C4orf46: variants seen among roughly 807,000 people sequenced by gnomAD.
The protein encoded by C4orf46 is renal cancer differentiation gene 1 protein.
In C4orf46, 8 loss-of-function variants were observed where a neutral mutation model predicts 9.1. The observed-to-expected ratio is 0.88, with a 90% confidence interval of 0.52 to 1.59. The LOEUF (loss-of-function observed/expected upper bound fraction) is 1.59, where lower values mean the gene tolerates loss of function less well. Ranked by LOEUF, C4orf46 falls within the 40% of genes most tolerant of loss-of-function variation. The pLI, the probability that C4orf46 is intolerant of heterozygous loss-of-function variation, is 0.00. For missense variants in C4orf46, 151 were observed against 139.1 expected, an observed-to-expected ratio of 1.09 and a Z score of -0.43; for synonymous variants, 51 against 58.8, an observed-to-expected ratio of 0.87 and a Z score of 0.61.
rs1195940187 is a variant in C4orf46 at position 158,671,739 on chromosome 4, G to A, written c.63C>T (p.Ser21=). Residue 21 remains serine (S), a synonymous_variant, in exon 1 of 2, where the codon TCC becomes TCT. Transcript: ENST00000379205. ...AAGATGCTGCAGAGGCGTCTGAAGA[G>A]GAGGGAGAAGAGGGAGGCGGCGGGG... ...SPPPPPPSSP[S]SSDASAASSP... is the part of the protein sequence containing the mutation. The A allele has an allele frequency of 3.1e-6, 5 of 1,588,664 alleles. No homozygotes were observed. Among genetic ancestry groups the A allele is most frequent in the South Asian group, 2.3e-5 (2 of 87,872 alleles).
At position 158,669,663 on chromosome 4, in the gene C4orf46, A is replaced by T. The variant is rs765140061; in HGVS notation, c.292T>A (p.Trp98Arg). The change falls in exon 2 of 2, where the codon TGG becomes AGG. Residue 98 changes from tryptophan to arginine, a missense_variant. Transcript: ENST00000379205. Reference protein sequence around the residue: ...CTENARFLKTWRDLLKEGYDS... With the variant: ...CTENARFLKTRRDLLKEGYDS... ...TAGCCTTCTTTCAAGAGGTCCCGCC[A>T]CGTTTTAAGGAAACGTGCATTTTCT... The T allele has an allele frequency of 4.3e-6, 7 of 1,614,032 alleles. No homozygotes were observed. Among genetic ancestry groups the T allele is most frequent in the Non-Finnish European group, 5.9e-6 (7 of 1,179,974 alleles).
At chr4:158,671,509 C>T (rs1773544886) in intron 1 of C4orf46, 107 bp downstream of exon 1, 1 of 1,211,388 alleles carries the variant, frequency 8.3e-7, no homozygotes, top group East Asian at 2.9e-5. Flanking sequence ...GGCCGGTCGT[C>T]CCGGGTCATG....
At chr4:158,669,830 G>T (rs2150298434) in intron 1 of C4orf46, 62 bp from the exon 2 acceptor site, 1 of 1,356,514 alleles carries the variant, frequency 7.4e-7, no homozygotes, top group Non-Finnish European at 1.0e-6. Context: ...TTATAAGCAG[G>T]CTGAAAATAG....
Position 158,669,774 on chromosome 4 carries a change from A to C in C4orf46, c.187-6T>G. On this transcript the variant is annotated splice_polypyrimidine_tract_variant and splice_region_variant and intron_variant, in intron 1 of 1. Transcript: ENST00000379205. The stretch of plus-strand genomic sequence containing the variant: ...TTGGTTAATGAAAAGGCTGCCTAAA[A>C]AAAAAAAGTCAAACATAATTTTATT... The C allele has an allele frequency of 6.3e-7, 1 of 1,582,834 alleles. No homozygotes were observed.
At chr4:158,671,340 G>A (rs528486199) in intron 1 of C4orf46, among the ~76,000 whole-genome samples, 1 of 152,326 alleles carries the variant, frequency 6.6e-6, no homozygotes, top group East Asian at 1.9e-4. Flanking sequence ...AAACCAGAAG[G>A]CGAGACAAAA....
At chr4:158,670,316 C>A (rs754144460) in intron 1 of C4orf46, among the ~76,000 whole-genome samples, 2 of 152,174 alleles carry the variant, frequency 1.3e-5, no homozygotes, top group Non-Finnish European at 2.9e-5. Flanking sequence ...AGCCACCGTG[C>A]TTGGCCCAGG....
At chr4:158,671,591 G>A (rs373552594) in intron 1 of C4orf46, 25 bp downstream of exon 1, 10 of 1,460,294 alleles carry the variant, frequency 6.8e-6, no homozygotes, top group Non-Finnish European at 9.1e-6. Flanking sequence ...GCCGAGGGGG[G>A]ACGCGGTCCC....
Position 158,671,811 on chromosome 4 carries a change from T to C in C4orf46, c.-10A>G, listed in dbSNP as rs373903406. The C allele has an allele frequency of 2.9e-5, 43 of 1,499,284 alleles. No individual in the cohort carries two copies. In the African/African-American group the frequency reaches 5.5e-4, roughly 19 times the overall value. 92.9% of individuals were successfully genotyped at this position (1,499,284 alleles called of 1,614,324 possible). The stretch of plus-strand genomic sequence containing the variant: ...CCTCAGGGTCGGCCATGGGGAAGGG[T>C]TGGGACCGCGGAATCCGACCCGAGA... On this transcript the variant is annotated 5_prime_UTR_variant, in exon 1 of 2. Coordinates refer to ENST00000379205, the MANE Select transcript of C4orf46 (RefSeq NM_001008393.4).
In C4orf46 at chr4:158,671,604, C is replaced by T. The variant is rs1773551111; in HGVS notation, c.186+12G>A. The T allele has an allele frequency of 6.6e-7, 1 of 1,518,216 alleles. No homozygotes were observed. The highest frequency in any genetic ancestry group is 8.9e-7 in the Non-Finnish European group (1 of 1,127,432). The allele number at this position is 1,518,216 out of a possible 1,614,324, so 94.0% of individuals were successfully genotyped here. On this transcript the variant is annotated intron_variant, in intron 1 of 1. Transcript: ENST00000379205. The stretch of plus-strand genomic sequence containing the variant: ...GCGCCGAGGGGGGACGCGGTCCCGA[C>T]ACCACACTCACGTCTCCGATCTGCA...
intron 1 of C4orf46, 30 bp downstream of exon 1, chr4:158,671,586 G>A (rs1773549522): frequency 2.1e-6 from 3 of 1,453,494 alleles, no homozygotes; most frequent in Non-Finnish European, 2.7e-6. Flanking sequence ...GAGGCGCCGA[G>A]GGGGGACGCG....
chr4:158,669,792 A>G (rs1773475169), intron 1 of C4orf46, 24 bp from the exon 2 acceptor site: 1 of 1,566,934 alleles, frequency 6.4e-7, no homozygotes, highest in Non-Finnish European at 8.6e-7. Context: ...GTCAAACATA[A>G]TTTTATTTTT....
In C4orf46 at chr4:158,669,523, A is replaced by T; in HGVS notation, c.*90T>A. 7.6e-7 allele frequency: 1 copy of T among 1,311,536 alleles called. No homozygotes were observed. The highest frequency in any genetic ancestry group is 1.1e-6 in the Non-Finnish European group (1 of 938,108). The allele number at this position is 1,311,536 out of a possible 1,614,324, so 81.2% of individuals were successfully genotyped here. Reference sequence around the variant, plus strand: ...GAGTATATACAGAACTGCTGGACAGAGGTCATCCTATATGTGTGGTACATG... The same window carrying T: ...GAGTATATACAGAACTGCTGGACAGTGGTCATCCTATATGTGTGGTACATG... On this transcript the variant is annotated 3_prime_UTR_variant, in exon 2 of 2. Coordinates refer to ENST00000379205, the MANE Select transcript of C4orf46 (RefSeq NM_001008393.4).
chr4:158,672,006 C>G (rs2150300134), upstream of C4orf46: 2 of 560,578 alleles, frequency 3.6e-6, no homozygotes, highest in Middle Eastern at 4.7e-4. Flanking sequence ...CCTTAGGCAA[C>G]TCACGGCTCC....
chr4:158,669,426 T>C lies in C4orf46; in HGVS notation c.*187A>G, dbSNP rs1773458991. 1.9e-6 allele frequency: 1 copy of C among 537,848 alleles called. No homozygotes were observed. Among genetic ancestry groups the C allele is most frequent in the African/African-American group, 1.9e-5 (1 of 52,052 alleles). The allele number at this position is 537,848 out of a possible 1,614,324, so 33.3% of individuals were successfully genotyped here. A position where few individuals can be genotyped will look rare whatever the true frequency, so the allele number is the denominator to read the frequency against. On this transcript the variant is annotated 3_prime_UTR_variant, in exon 2 of 2. Transcript: ENST00000379205. ...AAAGTATTTAAGGACAAACAAGTAC[T>C]GGTCCGCAACAAAAATAGCATCGGT...
intron 1 of C4orf46, among the ~76,000 whole-genome samples, chr4:158,671,372 C>A (rs1773537865): frequency 6.6e-6 from 1 of 152,132 alleles, no homozygotes; most frequent in Non-Finnish European, 1.5e-5. Flanking sequence ...AGGGGTGGGG[C>A]GGGTGGAAGG....
chr4:158,671,300 TG>T (rs1245214612), intron 1 of C4orf46, among the ~76,000 whole-genome samples: 3 of 152,090 alleles, frequency 2.0e-5, no homozygotes, highest in Non-Finnish European at 2.9e-5. Flanking sequence ...AGCGCAGAGC[TG>T]CGTGGCTTCG....
Position 158,669,633 on chromosome 4 carries a change from A to G in C4orf46, c.322T>C (p.Ser108Pro). Residue 108 changes from serine to proline, a missense_variant, in exon 2 of 2, where the codon TCT becomes CCT. By Grantham distance (74) the Ser-to-Pro change is moderately conservative (BLOSUM62 -1). Coordinates refer to ENST00000379205, the MANE Select transcript of C4orf46 (RefSeq NM_001008393.4). ...CCAAATCAGTCATCAGGTTTCAAAGAATCATAGCCTTCTTTCAAGAGGTCC... is the reference window on the plus strand; with the variant it reads ...CCAAATCAGTCATCAGGTTTCAAAGGATCATAGCCTTCTTTCAAGAGGTCC... ...WRDLLKEGYD[S>P]LKPDD 6.2e-7 allele frequency: 1 copy of G among 1,613,076 alleles called. No individual in the cohort carries two copies. The highest frequency in any genetic ancestry group is 8.5e-7 in the Non-Finnish European group (1 of 1,179,850).
rs767110704 is a variant in C4orf46 at position 158,670,023 on chromosome 4, C to CTTTTTTTTTTTTTTTTT, written c.187-272_187-256dup. On this transcript the variant is annotated intron_variant, in intron 1 of 1. Transcript: ENST00000379205. ...TATGACAAATCAGTATAGTTGTTTT[C>CTTTTTTTTTTTTTTTTT]TTTTTTTTTTTTTTTTTTTGAGACG... 7.5e-3 allele frequency among the ~76,000 whole-genome samples: 132 copies of CTTTTTTTTTTTTTTTTT among 17,690 alleles called. 9 individuals are homozygous for CTTTTTTTTTTTTTTTTT. The highest frequency in any genetic ancestry group is 0.014 in the African/African-American group (124 of 8,992). The allele number at this position is 17,690 out of a possible 152,430, so 11.6% of individuals were successfully genotyped here.
rs1438028364 is a variant in C4orf46, at chr4:158,668,536, T to C, written c.*1077A>G. On this transcript the variant is annotated 3_prime_UTR_variant, in exon 2 of 2. Transcript: ENST00000379205. ...GAAGTTATATATGGTAGAGAATTAGTTGGCTTAATCGTTGACACACAACAC... is the reference window on the plus strand; with the variant it reads ...GAAGTTATATATGGTAGAGAATTAGCTGGCTTAATCGTTGACACACAACAC... The C allele has an allele frequency of 6.6e-6, 1 of 152,286 alleles. No homozygotes were observed. Among genetic ancestry groups the C allele is most frequent in the East Asian group, 1.9e-4 (1 of 5,202 alleles). The allele number at this position is 152,286 out of a possible 1,614,324, so 9.4% of individuals were successfully genotyped here.
Sources: allele counts gnomAD v4.1 joint callset (sites outside exome capture counted in the v4.1 genomes callset), GRCh38; gene constraint gnomAD v4.1.1; transcripts MANE v1.5; gene names NCBI Gene and HGNC (gene_info 2026-07-23, HGNC 2026-07-21).